The following PTPN11 variants were observed in gnomAD, a reference collection of about 807,000 sequenced individuals.
PTPN11 encodes tyrosine-protein phosphatase non-receptor type 11.
A neutral mutation model predicts 78.8 loss-of-function variants in PTPN11; 6 were observed. The observed-to-expected ratio is 0.08, with a 90% CI of 0.04 to 0.15. The LOEUF is 0.15. Among genes scored for constraint, PTPN11 ranks in the 10% least tolerant of loss-of-function variants. The pLI is 1.00. For missense variants in PTPN11, 386 were observed against 744.8 expected (o/e 0.52, Z 5.61); for synonymous variants, 221 against 263.5 (o/e 0.84, Z 1.56).
rs1463949594 is a variant in PTPN11 at position 112,419,041 on chromosome 12, C to T, written c.-71C>T. The T allele has an allele frequency of 1.6e-5, 24 of 1,531,396 alleles. No homozygotes were observed. Among genetic ancestry groups the T allele is most frequent in the Non-Finnish European group, 1.9e-5 (22 of 1,141,780 alleles). The allele number at this position is 1,531,396 out of a possible 1,614,324, so 94.9% of individuals were successfully genotyped here. On this transcript the variant is annotated 5_prime_UTR_variant, in exon 1 of 16. Transcript: ENST00000351677. ...CCGAGCGGGCCTCCCTCGGGCCAGC[C>T]CGATGTGACCGAGCCCAGCGGAGCC...
rs763695833 is a variant in PTPN11 at position 112,453,403 on chromosome 12, A to C, written c.525+16A>C. The C allele has an allele frequency of 6.2e-7, 1 of 1,612,286 alleles. No homozygotes were observed. Among genetic ancestry groups the C allele is most frequent in the South Asian group, 1.1e-5 (1 of 91,048 alleles). On this transcript the variant is annotated intron_variant, in intron 4 of 15. Coordinates refer to ENST00000351677, the MANE Select transcript of PTPN11 (RefSeq NM_002834.5). ...TCGCTGTCAGGTAAATCTCCAGTTG[A>C]AAAATGGGTCTGGCAAGATGTTACC...
intron 2 of PTPN11, among the ~76,000 whole-genome samples, chr12:112,448,332 A>G (rs1454745641): frequency 2.0e-5 from 3 of 150,544 alleles, no homozygotes; most frequent in African/African-American, 7.3e-5. Context: ...TGACTCAGCC[A>G]CCTAAGTAGT....
intron 6 of PTPN11, among the ~76,000 whole-genome samples, chr12:112,469,142 G>T (rs1178151708): frequency 6.6e-6 from 1 of 152,196 alleles, no homozygotes; most frequent in Admixed American, 6.5e-5. Context: ...TATTGATGAG[G>T]ATTTCCCTGG....
rs867829436 is a variant in PTPN11, at chr12:112,509,746, A to G, written c.*3954A>G. 4 of 152,636 alleles carry G rather than the reference A, an allele frequency of 2.6e-5. No individual in the cohort carries two copies. Among genetic ancestry groups the G allele is most frequent in the South Asian group, 2.1e-4 (1 of 4,834 alleles). 9.5% of individuals were successfully genotyped at this position (152,636 alleles called of 1,614,324 possible). A position where few individuals can be genotyped will look rare whatever the true frequency, so the allele number is the denominator to read the frequency against. ...TTCTTAAAAAAATGACATTAAAAGA[A>G]TAGTTTATGTAGAGAAACATTAGTG... On this transcript the variant is annotated 3_prime_UTR_variant, in exon 16 of 16. Coordinates refer to ENST00000351677, the MANE Select transcript of PTPN11 (RefSeq NM_002834.5).
chr12:112,455,943 C>A lies in PTPN11; in HGVS notation c.643-7C>A, dbSNP rs1555268066. On this transcript the variant is annotated splice_region_variant and splice_polypyrimidine_tract_variant and intron_variant, in intron 5 of 15. Transcript: ENST00000351677. ...TTTATTTTACATCAACTGCTGTACT[C>A]GATCAGCCCCTTAACACGACTCGTA... The A allele has an allele frequency of 6.5e-7, 1 of 1,527,476 alleles. No individual in the cohort carries two copies. Among genetic ancestry groups the A allele is most frequent in the Non-Finnish European group, 9.1e-7 (1 of 1,104,716 alleles). 94.6% of individuals were successfully genotyped at this position (1,527,476 alleles called of 1,614,324 possible). A position where few individuals can be genotyped will look rare whatever the true frequency, so the allele number is the denominator to read the frequency against.
rs546714104 is a variant in PTPN11, at chr12:112,424,808, T to C, written c.14+5683T>C. ...CTCTGCCTCCCAGGCTCAAGCATTCTCCCACCTCAGCCTCCCGAGTGGCTG... is the reference window on the plus strand; with the variant it reads ...CTCTGCCTCCCAGGCTCAAGCATTCCCCCACCTCAGCCTCCCGAGTGGCTG... On this transcript the variant is annotated intron_variant, in intron 1 of 15. Transcript: ENST00000351677. Among the ~76,000 whole-genome samples the C allele has an allele frequency of 8.6e-5, 13 of 151,810 alleles. No individual in the cohort carries two copies. The South Asian group carries it at 2.3e-3, about 27-fold the overall frequency.
intron 10 of PTPN11, among the ~76,000 whole-genome samples, chr12:112,484,010 G>A (rs987815742): frequency 3.3e-5 from 5 of 152,118 alleles, no homozygotes; most frequent in African/African-American, 9.7e-5. Flanking sequence ...GATGCAGAGC[G>A]TCGTGGATGG....
chr12:112,455,164 A>G (rs2038138774), intron 5 of PTPN11, among the ~76,000 whole-genome samples: 1 of 151,260 alleles, frequency 6.6e-6, no homozygotes, highest in Admixed American at 6.6e-5. Flanking sequence ...CTGCCGCTAT[A>G]GTACTTGGAA....
chr12:112,428,199 G>A (rs2037652499), intron 1 of PTPN11, among the ~76,000 whole-genome samples: 1 of 152,242 alleles, frequency 6.6e-6, no homozygotes, highest in South Asian at 2.1e-4. Context: ...GTAATTAACT[G>A]TAATCATTCT....
chr12:112,470,169 G>C (rs908727788), intron 6 of PTPN11, among the ~76,000 whole-genome samples: 1 of 152,150 alleles, frequency 6.6e-6, no homozygotes, highest in African/African-American at 2.4e-5. Flanking sequence ...CAAAAATACC[G>C]ATTTTGATTA....
intron 1 of PTPN11, among the ~76,000 whole-genome samples, chr12:112,443,242 G>C (rs1223424175): frequency 6.6e-6 from 1 of 151,618 alleles, no homozygotes; most frequent in African/African-American, 2.4e-5. Flanking sequence ...TGTTTGTTTT[G>C]GTCCATTATA....
rs1003114442 is a variant in PTPN11, at chr12:112,504,059, T to C, written c.1713-636T>C. On this transcript the variant is annotated intron_variant, in intron 14 of 15. Transcript: ENST00000351677. This position sits in a 1 kb window ranked among gnomAD's most constrained non-coding sequence, Gnocchi z 4.7. ...CTGTTCAGATCCCTCTACTGGAAAT[T>C]AATAGGATTTCATTCTATGTGTGCA... Among the ~76,000 whole-genome samples, 31 of 152,194 alleles carry C rather than the reference T, an allele frequency of 2.0e-4. No individual in the cohort carries two copies. The highest frequency in any genetic ancestry group is 4.0e-4 in the Non-Finnish European group (27 of 68,034).
intron 14 of PTPN11, 36 bp downstream of exon 14, chr12:112,502,292 C>A: frequency 6.5e-7 from 1 of 1,545,254 alleles, no homozygotes; most frequent in South Asian, 1.1e-5. Flanking sequence ...TTTACCTGGT[C>A]ATGGTGGTTT....
At chr12:112,443,790 C>T (rs1033846350) in intron 1 of PTPN11, among the ~76,000 whole-genome samples, 20 of 151,582 alleles carry the variant, frequency 1.3e-4, no homozygotes, top group African/African-American at 4.8e-4. Context: ...GTAGCTGGGA[C>T]TATAGGCACA....
At chr12:112,422,032 GA>G (rs1566152048) in intron 1 of PTPN11, among the ~76,000 whole-genome samples, 1 of 152,206 alleles carries the variant, frequency 6.6e-6, no homozygotes, top group Non-Finnish European at 1.5e-5. Flanking sequence ...ATGGCTGAGA[GA>G]GAGCAGACAA....
In PTPN11 at chr12:112,488,490, T is replaced by C. The variant is rs1276701553; in HGVS notation, c.1427T>C (p.Ile476Thr). 6.2e-7 allele frequency: 1 copy of C among 1,612,310 alleles called. No individual in the cohort carries two copies. The highest frequency in any genetic ancestry group is 2.2e-5 in the East Asian group (1 of 44,872). Reference sequence around the variant, plus strand: ...ACGTTCATTGTGATTGATATTCTTATTGACATCATCAGAGAGAAAGGTGGG... The same window carrying C: ...ACGTTCATTGTGATTGATATTCTTACTGACATCATCAGAGAGAAAGGTGGG... ...TGTFIVIDIL[I>T]DIIREKGVDC... Residue 476 changes from isoleucine (I) to threonine (T), a missense_variant, in exon 12 of 16, where the codon ATT (isoleucine) becomes ACT (threonine). Ile to Thr is a moderately conservative substitution (Grantham distance 89). This residue lies in a region of PTPN11 where 63 missense variants were observed against 182.2 expected (regional missense o/e 0.35). Transcript: ENST00000351677.
intron 1 of PTPN11, among the ~76,000 whole-genome samples, chr12:112,423,625 A>G (rs1052290224): frequency 6.6e-6 from 1 of 152,114 alleles, no homozygotes; most frequent in African/African-American, 2.4e-5. Context: ...ACTGTTTAGA[A>G]TGTATGTGTA....
intron 7 of PTPN11, among the ~76,000 whole-genome samples, chr12:112,473,263 C>T (rs1203420970): frequency 6.6e-6 from 1 of 152,130 alleles, no homozygotes; most frequent in Non-Finnish European, 1.5e-5. Context: ...CACTAGGTGG[C>T]TTTGTCTGTG....
At chr12:112,483,005 G>A (rs1334855096) in intron 10 of PTPN11, among the ~76,000 whole-genome samples, 1 of 152,126 alleles carries the variant, frequency 6.6e-6, no homozygotes, top group Non-Finnish European at 1.5e-5. Context: ...GCACCATGCT[G>A]CTTGCTGGAG....
Sources: gnomAD v4.1 joint callset for allele counts (sites outside exome capture counted in the v4.1 genomes callset) on GRCh38, gnomAD v4.1.1 for gene constraint, gnomAD v4.1.1 regional missense constraint, Gnocchi (gnomAD v3.1) non-coding constraint, MANE v1.5 for transcripts, NCBI Gene and HGNC (gene_info 2026-07-23, HGNC 2026-07-21) for gene names.